CSMD1: variants seen among roughly 807,000 people sequenced by gnomAD.
CSMD1 encodes the protein CUB and Sushi multiple domains 1.
Under a neutral mutation model 417.5 loss-of-function variants are expected in CSMD1, and 213 were observed. The observed-to-expected ratio is 0.51, with a 90% CI of 0.46 to 0.57. The LOEUF is 0.57. Among genes scored for constraint, CSMD1 ranks in the 20% least tolerant of loss-of-function variants. CSMD1 has a pLI of 0.00. For synonymous variants in CSMD1, 2,862 were observed against 1,736.8 expected, an observed-to-expected ratio of 1.65 and a Z score of -16.11; for missense variants, 6,923 against 4,529.7, an observed-to-expected ratio of 1.53 and a Z score of -15.17.
At chr8:4,456,086 G>T (rs530843128) in intron 2 of CSMD1, among the ~76,000 whole-genome samples, 23 of 129,718 alleles carry the variant, frequency 1.8e-4, no homozygotes, top group African/African-American at 6.3e-4. Context: ...AAAAAAATGT[G>T]AAAGTACGTA....
chr8:3,569,903 A>G (rs866377915), intron 10 of CSMD1, among the ~76,000 whole-genome samples: 42 of 152,228 alleles, frequency 2.8e-4, no homozygotes, highest in African/African-American at 9.4e-4. Context: ...CTCCGAGATA[A>G]ATGACAAAGG....
At chr8:4,364,322 G>A (rs975240813) in intron 3 of CSMD1, among the ~76,000 whole-genome samples, 1 of 152,080 alleles carries the variant, frequency 6.6e-6, no homozygotes, top group Non-Finnish European at 1.5e-5. Context: ...GATAAGACTA[G>A]GGCCCTTAAA....
chr8:4,936,659 G>A (rs138338113), intron 1 of CSMD1, among the ~76,000 whole-genome samples: 1 of 152,090 alleles, frequency 6.6e-6, no homozygotes, highest in Non-Finnish European at 1.5e-5. Flanking sequence ...GCTAGTTATG[G>A]ACATTATTAA....
intron 5 of CSMD1, among the ~76,000 whole-genome samples, chr8:3,956,866 G>C (rs1280740474): frequency 2.0e-5 from 3 of 152,118 alleles, no homozygotes; most frequent in East Asian, 1.9e-4. Flanking sequence ...GGAACTCCTT[G>C]GAATGCTGCA....
chr8:4,635,790 T>C (rs1444378429), intron 2 of CSMD1, among the ~76,000 whole-genome samples: 1 of 152,092 alleles, frequency 6.6e-6, no homozygotes, highest in Non-Finnish European at 1.5e-5. Context: ...AAGTATTGTA[T>C]ATGTAGATAC....
At chr8:4,131,414 C>A (rs533082833) in intron 3 of CSMD1, among the ~76,000 whole-genome samples, 1 of 152,056 alleles carries the variant, frequency 6.6e-6, no homozygotes, top group East Asian at 1.9e-4. Context: ...CTATTTGTAC[C>A]ACCTCTCTCT....
At chr8:3,284,950 C>T (rs748078322) in intron 25 of CSMD1, among the ~76,000 whole-genome samples, 2 of 152,050 alleles carry the variant, frequency 1.3e-5, no homozygotes, top group African/African-American at 2.4e-5. Flanking sequence ...AAAATTTTAC[C>T]ATACTTCTAT....
chr8:4,404,039 C>CA (rs1418088932), intron 3 of CSMD1, among the ~76,000 whole-genome samples: 1 of 152,124 alleles, frequency 6.6e-6, no homozygotes, highest in Non-Finnish European at 1.5e-5. Context: ...AAAATACATC[C>CA]AGACTTATCC....
At chr8:4,082,884 G>A (rs1019860900) in intron 3 of CSMD1, among the ~76,000 whole-genome samples, 5 of 150,412 alleles carry the variant, frequency 3.3e-5, no homozygotes, top group African/African-American at 1.2e-4. Flanking sequence ...TTGTCCTTGT[G>A]ATACTTTACT....
chr8:4,277,387 T>G (rs755739080), intron 3 of CSMD1, among the ~76,000 whole-genome samples: 1 of 152,142 alleles, frequency 6.6e-6, no homozygotes, highest in Non-Finnish European at 1.5e-5. Context: ...TGAAGGTGTC[T>G]GGCTTGACCC....
chr8:4,151,994 G>T (rs1485198129), intron 3 of CSMD1, among the ~76,000 whole-genome samples: 1 of 152,016 alleles, frequency 6.6e-6, no homozygotes, highest in Non-Finnish European at 1.5e-5. Context: ...TGGTTTGCTA[G>T]GGGGTCATTT....
At chr8:4,823,816 A>G (rs979804508) in intron 1 of CSMD1, among the ~76,000 whole-genome samples, 2 of 151,998 alleles carry the variant, frequency 1.3e-5, no homozygotes, top group African/African-American at 4.8e-5. Context: ...GGGGAGAAAA[A>G]GAAAGCTCAC....
chr8:4,727,619 A>G (rs1421050492), intron 1 of CSMD1, among the ~76,000 whole-genome samples: 1 of 152,112 alleles, frequency 6.6e-6, no homozygotes, highest in African/African-American at 2.4e-5. Context: ...TTCCAAGTTT[A>G]TATTTCCGTG....
chr8:3,610,171 G>T (rs973793533), intron 8 of CSMD1, among the ~76,000 whole-genome samples: 1 of 152,088 alleles, frequency 6.6e-6, no homozygotes, highest in Non-Finnish European at 1.5e-5. Flanking sequence ...TTACTTGGCT[G>T]TAGTCCAGCA....
At chr8:4,403,102 A>T (rs562036038) in intron 3 of CSMD1, among the ~76,000 whole-genome samples, 169 of 152,008 alleles carry the variant, frequency 1.1e-3, no homozygotes, top group African/African-American at 4.0e-3. Context: ...AAGTGCTGGG[A>T]TTACAGGCGT....
chr8:4,980,720 G>A (rs932237859), intron 1 of CSMD1, among the ~76,000 whole-genome samples: 6 of 152,006 alleles, frequency 3.9e-5, no homozygotes, highest in African/African-American at 1.2e-4. Context: ...GTGGACAACA[G>A]GACAAGACCC....
At chr8:3,830,780 TGCAC>T (rs1225536728) in intron 5 of CSMD1, among the ~76,000 whole-genome samples, 1 of 152,180 alleles carries the variant, frequency 6.6e-6, no homozygotes, top group Non-Finnish European at 1.5e-5. Flanking sequence ...TGAATGGATA[TGCAC>T]GCCAGTAAAA....
chr8:4,241,809 C>T (rs922313659), intron 3 of CSMD1, among the ~76,000 whole-genome samples: 1 of 151,316 alleles, frequency 6.6e-6, no homozygotes, highest in Non-Finnish European at 1.5e-5. Flanking sequence ...CTCCTGGGTT[C>T]ACGCCATTCT....
At chr8:3,118,138 A>C (rs554688444) in intron 42 of CSMD1, among the ~76,000 whole-genome samples, 1 of 152,174 alleles carries the variant, frequency 6.6e-6, no homozygotes, top group Non-Finnish European at 1.5e-5. Context: ...CCTTCCCTGC[A>C]GCTCAGTATA....
Sources: gnomAD v4.1 joint callset for allele counts (sites outside exome capture counted in the v4.1 genomes callset) on GRCh38, gnomAD v4.1.1 for gene constraint, MANE v1.5 for transcripts, NCBI Gene and HGNC (gene_info 2026-07-23, HGNC 2026-07-21) for gene names.